CASD1: variants seen among roughly 807,000 people sequenced by gnomAD.
CASD1 encodes the protein N-acetylneuraminate (7)9-O-acetyltransferase.
A neutral mutation model predicts 100.0 loss-of-function variants in CASD1; 41 were observed. That is an observed-to-expected ratio of 0.41 (90% CI 0.32 to 0.53). The LOEUF (loss-of-function observed/expected upper bound fraction) is 0.53. CASD1 is among the 20% of genes least tolerant of loss of function. The pLI is 0.25. For missense variants in CASD1, 774 were observed against 948.7 expected, an observed-to-expected ratio of 0.82 and a Z score of 2.42; for synonymous variants, 321 against 315.6, an observed-to-expected ratio of 1.02 and a Z score of -0.18.
At chr7:94,629,731 A>G in the CASD1 span, 4 of 1,611,074 alleles carry the variant, frequency 2.5e-6, no homozygotes, top group Non-Finnish European at 3.4e-6. Flanking sequence ...GGTTTTGGGT[A>G]AGGTGGAAAT....
At chr7:94,586,983 A>G in the CASD1 span, 4 of 984,348 alleles carry the variant, frequency 4.1e-6, no homozygotes, top group South Asian at 1.9e-4. Flanking sequence ...ATATGATCCA[A>G]ATTGCAGAAA....
chr7:94,541,598 G>C (rs1795407727), intron 10 of CASD1, among the ~76,000 whole-genome samples: 1 of 118,592 alleles, frequency 8.4e-6, no homozygotes. Flanking sequence ...TAACTTCCAT[G>C]GAAAGACCTG....
intron 2 of CASD1, 152 bp downstream of exon 2, chr7:94,517,808 C>T: frequency 1.8e-6 from 1 of 547,154 alleles, no homozygotes; most frequent in Non-Finnish European, 3.2e-6. Flanking sequence ...ATTTCCCTGC[C>T]CACTAAGGTT....
the CASD1 span, among the ~76,000 whole-genome samples, chr7:94,567,746 T>C: frequency 6.6e-6 from 1 of 152,150 alleles, no homozygotes; most frequent in African/African-American, 2.4e-5. Context: ...GGGAATAAAT[T>C]TAGATGGTTC....
intron 10 of CASD1, among the ~76,000 whole-genome samples, chr7:94,543,748 T>G (rs1795536314): frequency 6.6e-6 from 1 of 152,012 alleles, no homozygotes. Flanking sequence ...ATCACAGTGT[T>G]CTAAGGTTAT....
At chr7:94,538,904 T>G in intron 9 of CASD1, 63 bp from the exon 10 acceptor site, 1 of 829,608 alleles carries the variant, frequency 1.2e-6, no homozygotes, top group Non-Finnish European at 1.9e-6. Flanking sequence ...ACATACTTAT[T>G]ATATGCCGTT....
At chr7:94,519,340 G>T (rs978177340) in intron 3 of CASD1, among the ~76,000 whole-genome samples, 20 of 152,022 alleles carry the variant, frequency 1.3e-4, no homozygotes, top group Non-Finnish European at 2.5e-4. Flanking sequence ...GGGGAAAGTC[G>T]AACACAAGAA....
chr7:94,609,446 C>T, the CASD1 span, among the ~76,000 whole-genome samples: 2 of 152,172 alleles, frequency 1.3e-5, no homozygotes, highest in African/African-American at 2.4e-5. Flanking sequence ...GCATGAGAAT[C>T]ACTTGAACCC....
chr7:94,633,600 A>G, the CASD1 span, among the ~76,000 whole-genome samples: 1 of 152,118 alleles, frequency 6.6e-6, no homozygotes, highest in African/African-American at 2.4e-5. Context: ...CCAGAATCAA[A>G]TAACAGACCA....
the CASD1 span, chr7:94,616,917 T>C: frequency 1.2e-3 from 177 of 152,264 alleles, no homozygotes; most frequent in African/African-American, 4.0e-3. Flanking sequence ...AAATTAAAAC[T>C]CATGGAAAGC....
At chr7:94,619,769 G>A in the CASD1 span, 2 of 152,186 alleles carry the variant, frequency 1.3e-5, no homozygotes. Context: ...CAACAAGAGG[G>A]TGTGTAGCTG....
chr7:94,594,713 T>C, the CASD1 span, among the ~76,000 whole-genome samples: 1 of 152,104 alleles, frequency 6.6e-6, no homozygotes, highest in Non-Finnish European at 1.5e-5. Flanking sequence ...ATCTGGGAAC[T>C]CTCTATTATC....
chr7:94,557,528 G>A (rs933575389), downstream of CASD1, among the ~76,000 whole-genome samples: 1 of 151,988 alleles, frequency 6.6e-6, no homozygotes, highest in African/African-American at 2.4e-5. Flanking sequence ...AATTTAGCTT[G>A]TAAGTTTTAT....
the CASD1 span, among the ~76,000 whole-genome samples, chr7:94,581,500 G>A: frequency 2.0e-5 from 3 of 152,178 alleles, no homozygotes; most frequent in Non-Finnish European, 2.9e-5. Context: ...GCACCTACTA[G>A]ATATTCTTCC....
At chr7:94,522,078 C>T (rs1178910104) in intron 3 of CASD1, among the ~76,000 whole-genome samples, 1 of 151,972 alleles carries the variant, frequency 6.6e-6, no homozygotes, top group Admixed American at 6.6e-5. Context: ...AGTGAGACTC[C>T]ATTTCAAAAA....
the CASD1 span, chr7:94,598,670 C>G: frequency 1.1e-5 from 9 of 846,334 alleles, no homozygotes; most frequent in African/African-American, 1.0e-4. Flanking sequence ...ATTTTCTCTT[C>G]CAGTTATAAA....
chr7:94,624,036 A>C, the CASD1 span: 25 of 394,134 alleles, frequency 6.3e-5, no homozygotes, highest in Non-Finnish European at 4.5e-6. Flanking sequence ...CATCAAAGTC[A>C]ATTCAGAAAC....
chr7:94,583,878 A>AC, the CASD1 span, among the ~76,000 whole-genome samples: 1 of 152,196 alleles, frequency 6.6e-6, no homozygotes. Context: ...ACAAAACAAA[A>AC]AAACCCTTAA....
At chr7:94,604,217 T>C in the CASD1 span, among the ~76,000 whole-genome samples, 6 of 152,112 alleles carry the variant, frequency 3.9e-5, no homozygotes, top group Non-Finnish European at 8.8e-5. Context: ...AGGAATCTCA[T>C]TGGCCTTTCA....
Sources: allele counts gnomAD v4.1 joint callset (sites outside exome capture counted in the v4.1 genomes callset), GRCh38; gene constraint gnomAD v4.1.1; transcripts MANE v1.5; gene names NCBI Gene and HGNC (gene_info 2026-07-23, HGNC 2026-07-21).